The following KCTD3 variants were observed in gnomAD, a reference collection of about 807,000 sequenced individuals.
The protein encoded by KCTD3 is BTB/POZ domain-containing protein KCTD3.
Under a neutral mutation model 85.8 loss-of-function variants are expected in KCTD3, and 41 were observed. The observed-to-expected ratio is 0.48, with a 90% confidence interval of 0.37 to 0.62. The LOEUF (loss-of-function observed/expected upper bound fraction) is 0.62. Among genes scored for constraint, KCTD3 ranks in the 20% least tolerant of loss-of-function variants. The pLI is 0.00. For missense variants in KCTD3, 724 were observed against 989.9 expected, an observed-to-expected ratio of 0.73 and a Z score of 3.60; for synonymous variants, 338 against 345.4, an observed-to-expected ratio of 0.98 and a Z score of 0.24.
intron 13 of KCTD3, among the ~76,000 whole-genome samples, chr1:215,604,526 G>A (rs1052609696): frequency 1.7e-4 from 26 of 151,928 alleles, no homozygotes; most frequent in Non-Finnish European, 4.4e-5. Context: ...CAGGTGGATT[G>A]GTTTAGCCCA....
In KCTD3 at chr1:215,567,656, G is replaced by A; in HGVS notation, c.-30G>A. ...CTCGGCGGTCCCGGCTGGGGAAGGAGGGCGGCGAGCGCGTCCGGAGCCGCC... is the reference window on the plus strand; with the variant it reads ...CTCGGCGGTCCCGGCTGGGGAAGGAAGGCGGCGAGCGCGTCCGGAGCCGCC... On this transcript the variant is annotated 5_prime_UTR_variant, in exon 1 of 18. Coordinates refer to ENST00000259154, the MANE Select transcript of KCTD3 (RefSeq NM_016121.5). The A allele has an allele frequency of 4.9e-6, 6 of 1,220,714 alleles. No homozygotes were observed. Among genetic ancestry groups the A allele is most frequent in the Non-Finnish European group, 6.1e-6 (6 of 976,068 alleles). 75.6% of individuals were successfully genotyped at this position (1,220,714 alleles called of 1,614,324 possible). A position where few individuals can be genotyped will look rare whatever the true frequency, so the allele number is the denominator to read the frequency against.
At chr1:215,592,019 A>C (rs1485080834) in intron 9 of KCTD3, among the ~76,000 whole-genome samples, 1 of 152,208 alleles carries the variant, frequency 6.6e-6, no homozygotes. Context: ...CAGCAGGCAA[A>C]GAGAGCTTGT....
chr1:215,586,847 A>C (rs1660028057), intron 9 of KCTD3, among the ~76,000 whole-genome samples, 162 bp downstream of exon 9: 1 of 152,224 alleles, frequency 6.6e-6, no homozygotes. Context: ...AGGAAAAATG[A>C]TGTTTTAGAA....
At chr1:215,614,986 ATTTAC>A (rs1558245960) in intron 15 of KCTD3, among the ~76,000 whole-genome samples, 2 of 152,184 alleles carry the variant, frequency 1.3e-5, no homozygotes, top group Non-Finnish European at 2.9e-5. Flanking sequence ...AGTATATCAT[ATTTAC>A]TTATTCAATT....
In KCTD3 at chr1:215,620,511, G is replaced by T; in HGVS notation, c.2341G>T (p.Asp781Tyr). 1 of 1,613,376 alleles carries T rather than the reference G, an allele frequency of 6.2e-7. No individual in the cohort carries two copies. Among genetic ancestry groups the T allele is most frequent in the Non-Finnish European group, 8.5e-7 (1 of 1,179,356 alleles). The change falls in exon 18 of 18, where the codon GAT becomes TAT. Residue 781 changes from aspartate (D) to tyrosine (Y), a missense_variant. This residue lies in a region of KCTD3 where 222 missense variants were observed against 217.7 expected (regional missense o/e 1.02). Coordinates refer to ENST00000259154, the MANE Select transcript of KCTD3 (RefSeq NM_016121.5). ...PYLASSPSTS[D>Y]GGTDSPGTAS... ...TCTGGCGTCATCACCAAGTACTTCC[G>T]ATGGAGGAACTGACTCACCTGGTAC...
intron 1 of KCTD3, among the ~76,000 whole-genome samples, chr1:215,570,489 A>ACTAGCCAGGGCTG (rs1298572449): frequency 6.6e-6 from 1 of 152,188 alleles, no homozygotes; most frequent in Non-Finnish European, 1.5e-5. Context: ...CTAGCCATTG[A>ACTAGCCAGGGCTG]GGACTCCTGG....
intron 1 of KCTD3, among the ~76,000 whole-genome samples, chr1:215,570,719 T>G (rs1659327287): frequency 6.6e-6 from 1 of 152,188 alleles, no homozygotes; most frequent in African/African-American, 2.4e-5. Flanking sequence ...AATAAATAAC[T>G]AGTTAGATTG....
chr1:215,592,955 G>A (rs143126571), intron 9 of KCTD3, among the ~76,000 whole-genome samples: 92 of 152,212 alleles, frequency 6.0e-4, no homozygotes, highest in Middle Eastern at 3.4e-3. Flanking sequence ...TTTAAATTTC[G>A]TGAGACCATT....
At chr1:215,571,538 A>C (rs1241737834) in intron 1 of KCTD3, among the ~76,000 whole-genome samples, 1 of 152,112 alleles carries the variant, frequency 6.6e-6, no homozygotes, top group African/African-American at 2.4e-5. Flanking sequence ...TAATAAATGA[A>C]TTGTTTTACT....
intron 8 of KCTD3, among the ~76,000 whole-genome samples, chr1:215,586,022 A>G (rs1374550058): frequency 6.6e-6 from 1 of 152,226 alleles, no homozygotes; most frequent in East Asian, 1.9e-4. Flanking sequence ...AGTATGTGTC[A>G]TTTCAGTTAA....
At chr1:215,591,289 TC>T (rs1660199576) in intron 9 of KCTD3, among the ~76,000 whole-genome samples, 2 of 26,764 alleles carry the variant, frequency 7.5e-5, no homozygotes, top group African/African-American at 1.3e-4. Context: ...CTTCCTTCTT[TC>T]CTTCCTTCCT....
At chr1:215,618,577 A>G (rs1655543737) in intron 15 of KCTD3, 1 of 226,936 alleles carries the variant, frequency 4.4e-6, no homozygotes, top group South Asian at 9.9e-5. Flanking sequence ...TGATCCGTCA[A>G]TGTGGATAAA....
intron 1 of KCTD3, among the ~76,000 whole-genome samples, chr1:215,569,179 T>A (rs1571866755): frequency 6.6e-6 from 1 of 151,048 alleles, no homozygotes; most frequent in African/African-American, 2.4e-5. Flanking sequence ...TGGAGTGCAG[T>A]GGCGCGATCT....
At chr1:215,607,929 A>G (rs1006735733) in intron 13 of KCTD3, 88 bp from the exon 14 acceptor site, 2 of 946,836 alleles carry the variant, frequency 2.1e-6, no homozygotes, top group African/African-American at 3.4e-5. Context: ...TTATACTCTG[A>G]TCTGTGTAAT....
intron 9 of KCTD3, among the ~76,000 whole-genome samples, chr1:215,591,350 C>CTA (rs1660209757): frequency 6.7e-6 from 1 of 148,562 alleles, no homozygotes; most frequent in Non-Finnish European, 1.5e-5. Flanking sequence ...TTCCTTCTCT[C>CTA]TTTCTCTCTT....
At chr1:215,602,839 ATCATT>A (rs1252677579) in intron 12 of KCTD3, among the ~76,000 whole-genome samples, 1 of 152,242 alleles carries the variant, frequency 6.6e-6, no homozygotes, top group East Asian at 1.9e-4. Flanking sequence ...TATATAAGTC[ATCATT>A]TCATTTAAGT....
chr1:215,591,279 C>T (rs1286183445), intron 9 of KCTD3, among the ~76,000 whole-genome samples: 1 of 142,346 alleles, frequency 7.0e-6, no homozygotes, highest in Non-Finnish European at 1.5e-5. Flanking sequence ...TCTCTCTCTC[C>T]TTCCTTCTTT....
intron 10 of KCTD3, among the ~76,000 whole-genome samples, chr1:215,599,191 T>G (rs1009330367): frequency 6.6e-6 from 1 of 152,308 alleles, no homozygotes; most frequent in East Asian, 1.9e-4. Flanking sequence ...AAGGGTTTTT[T>G]TTCAGAGAGA....
rs534469814 is a variant in KCTD3 at position 215,576,789 on chromosome 1, C to T, written c.257+815C>T. 1.7e-3 allele frequency among the ~76,000 whole-genome samples: 258 copies of T among 151,774 alleles called. 1 individual carries two copies. The highest frequency in any genetic ancestry group is 3.9e-3 in the Admixed American group (60 of 15,252). ...TTCACCGTTTTAGTCATGATGGTCT[C>T]CATCTCCTCACCTCGTAATCCACCC... On this transcript the variant is annotated intron_variant, in intron 4 of 17. Coordinates refer to ENST00000259154, the MANE Select transcript of KCTD3 (RefSeq NM_016121.5).
Sources: allele counts gnomAD v4.1 joint callset (sites outside exome capture counted in the v4.1 genomes callset), GRCh38; gene constraint gnomAD v4.1.1; regional missense constraint gnomAD v4.1.1; transcripts MANE v1.5; gene names NCBI Gene and HGNC (gene_info 2026-07-23, HGNC 2026-07-21).